Variants in ESRRG observed in about 807,000 individuals in gnomAD.
ESRRG encodes estrogen related receptor gamma.
Under a neutral mutation model 44.0 loss-of-function variants are expected in ESRRG, and 13 were observed. That is an observed-to-expected ratio of 0.30 (90% CI 0.19 to 0.47). The LOEUF (loss-of-function observed/expected upper bound fraction) is 0.47. ESRRG is among the 20% of genes least tolerant of loss of function. The pLI, the probability that ESRRG is intolerant of heterozygous loss-of-function variation, is 1.00. For missense variants in ESRRG, 395 were observed against 580.6 expected (o/e 0.68, Z 3.29); for synonymous variants, 215 against 214.6 (o/e 1.00, Z -0.02).
intron 2 of ESRRG, among the ~76,000 whole-genome samples, chr1:216,885,813 T>A (rs2096508149): frequency 6.6e-6 from 1 of 152,016 alleles, no homozygotes; most frequent in Non-Finnish European, 1.5e-5. Flanking sequence ...TATAGGTTGA[T>A]CTCCATGTGG....
chr1:217,056,649 A>G (rs1017335867), intron 1 of ESRRG, among the ~76,000 whole-genome samples: 3 of 151,400 alleles, frequency 2.0e-5, no homozygotes, highest in African/African-American at 7.3e-5. Context: ...GGTAGGGGGA[A>G]TTCTGGAAAG....
intron 3 of ESRRG, among the ~76,000 whole-genome samples, chr1:216,577,676 C>T (rs1162696595): frequency 2.0e-5 from 3 of 151,826 alleles, no homozygotes; most frequent in Admixed American, 1.3e-4. Context: ...GGGTTGAGAG[C>T]CCACAGTCAC....
chr1:217,048,601 C>T (rs1336164365), intron 1 of ESRRG, among the ~76,000 whole-genome samples: 1 of 152,128 alleles, frequency 6.6e-6, no homozygotes, highest in Non-Finnish European at 1.5e-5. Flanking sequence ...GCACAAGAAG[C>T]TCTTGCATCC....
At position 216,508,261 on chromosome 1, in the gene ESRRG, A is replaced by AAGAT. The variant is rs2041748272; in HGVS notation, c.1133-1082_1133-1079dup. Among the ~76,000 whole-genome samples, 5 of 152,336 alleles carry AAGAT rather than the reference A, an allele frequency of 3.3e-5. No homozygotes were observed. The South Asian group carries it at 1.0e-3, about 32-fold the overall frequency. ...AAATGAAATATGGCAAACTAATTAA[A>AAGAT]AGATAACCAGTAGCATGTCTTAAAA... On this transcript the variant is annotated intron_variant, in intron 6 of 6. Transcript: ENST00000408911.
intron 2 of ESRRG, among the ~76,000 whole-genome samples, chr1:216,761,938 G>A (rs1448383850): frequency 6.6e-6 from 1 of 152,104 alleles, no homozygotes; most frequent in Non-Finnish European, 1.5e-5. Context: ...TGACTCTCAA[G>A]TACTACGATA....
chr1:216,643,369 G>A (rs1245903446), intron 3 of ESRRG, among the ~76,000 whole-genome samples: 1 of 152,154 alleles, frequency 6.6e-6, no homozygotes, highest in East Asian at 1.9e-4. Flanking sequence ...TAATGTAAAA[G>A]AAGAGGATCT....
intron 3 of ESRRG, among the ~76,000 whole-genome samples, chr1:216,624,900 G>T (rs1479297897): frequency 1.3e-5 from 2 of 152,148 alleles, no homozygotes; most frequent in Admixed American, 6.5e-5. Flanking sequence ...TCTCATCCGA[G>T]TTTCTACTCT....
intron 2 of ESRRG, among the ~76,000 whole-genome samples, chr1:216,733,477 T>C (rs754930834): frequency 1.3e-5 from 2 of 152,188 alleles, no homozygotes; most frequent in Non-Finnish European, 2.9e-5. Context: ...GTTAAATCTA[T>C]TCAATTATTC....
At chr1:216,659,711 G>A (rs1479435417) in intron 2 of ESRRG, among the ~76,000 whole-genome samples, 1 of 152,068 alleles carries the variant, frequency 6.6e-6, no homozygotes, top group Non-Finnish European at 1.5e-5. Context: ...TGATCCCAGG[G>A]CTCCCAAGAC....
At chr1:217,103,209 A>C (rs2092543102) in intron 1 of ESRRG, among the ~76,000 whole-genome samples, 1 of 152,102 alleles carries the variant, frequency 6.6e-6, no homozygotes, top group Non-Finnish European at 1.5e-5. Flanking sequence ...TCGAGAGTAG[A>C]GGAATGGAAG....
At chr1:216,925,432 G>A (rs1003365003) in intron 2 of ESRRG, among the ~76,000 whole-genome samples, 3 of 152,082 alleles carry the variant, frequency 2.0e-5, no homozygotes, top group East Asian at 3.9e-4. Context: ...GCGAGACTCC[G>A]TCTCAAAAAC....
At chr1:216,740,015 G>T (rs2090465187) in intron 2 of ESRRG, among the ~76,000 whole-genome samples, 1 of 152,140 alleles carries the variant, frequency 6.6e-6, no homozygotes, top group African/African-American at 2.4e-5. Context: ...GCTGACCTCG[G>T]CTATGTTAGC....
At chr1:216,819,561 G>T (rs1020157831) in intron 2 of ESRRG, among the ~76,000 whole-genome samples, 8 of 151,880 alleles carry the variant, frequency 5.3e-5, no homozygotes, top group African/African-American at 1.7e-4. Context: ...GGCAAAGGCT[G>T]AGTCTTTTTT....
At chr1:217,026,280 C>T (rs1313706256) in intron 1 of ESRRG, among the ~76,000 whole-genome samples, 2 of 152,198 alleles carry the variant, frequency 1.3e-5, no homozygotes, top group African/African-American at 4.8e-5. Context: ...AGGGACAGAA[C>T]ATCCTCCCCT....
At chr1:216,698,342 C>G (rs901664459) in intron 1 of ESRRG, among the ~76,000 whole-genome samples, 1 of 151,730 alleles carries the variant, frequency 6.6e-6, no homozygotes, top group East Asian at 1.9e-4. Flanking sequence ...ATGGTGAAAC[C>G]CTGTCTGTAC....
chr1:216,873,882 GGA>G (rs1213716822), intron 2 of ESRRG, among the ~76,000 whole-genome samples: 122 of 18,222 alleles, frequency 6.7e-3, no homozygotes, highest in African/African-American at 0.039. Context: ...GAGAAGGGAG[GGA>G]AGGGAAGGGA....
At chr1:216,679,942 G>A (rs1365883082) in intron 1 of ESRRG, among the ~76,000 whole-genome samples, 1 of 152,042 alleles carries the variant, frequency 6.6e-6, no homozygotes, top group African/African-American at 2.4e-5. Flanking sequence ...TTGTCTCATC[G>A]AAAATCTCAG....
chr1:216,590,730 T>C (rs2057505911), intron 3 of ESRRG, among the ~76,000 whole-genome samples: 1 of 152,126 alleles, frequency 6.6e-6, no homozygotes, highest in African/African-American at 2.4e-5. Flanking sequence ...GGGAGAAATG[T>C]AATCAACTAC....
Position 217,079,671 on chromosome 1 carries a change from T to C in ESRRG, c.-106+9836A>G, listed in dbSNP as rs571265872. 1.4e-4 allele frequency among the ~76,000 whole-genome samples: 21 copies of C among 152,308 alleles called. No individual in the cohort carries two copies. The South Asian group carries it at 4.1e-3, about 30-fold the overall frequency. ...CCTCATCTGTGAAATGGAGACACTA[T>C]AACTACCATACACAATTTTTTGTGA... On this transcript the variant is annotated intron_variant, in intron 1 of 7. Transcript: ENST00000359162.
Sources: allele counts gnomAD v4.1 joint callset (sites outside exome capture counted in the v4.1 genomes callset), GRCh38; gene constraint gnomAD v4.1.1; transcripts MANE v1.5; gene names NCBI Gene and HGNC (gene_info 2026-07-23, HGNC 2026-07-21).